SUCLG2: variants seen among roughly 807,000 people sequenced by gnomAD.
SUCLG2 encodes the protein succinate--CoA ligase [GDP-forming] subunit beta, mitochondrial.
Under a neutral mutation model 47.9 loss-of-function variants are expected in SUCLG2, and 42 were observed. The ratio of observed to expected loss-of-function variants is 0.88; its 90% CI spans 0.69 to 1.14. The LOEUF is 1.14. Among genes scored for constraint, SUCLG2 ranks in the 50% most tolerant of loss-of-function variants. SUCLG2 has a pLI of 0.00. For synonymous variants in SUCLG2, 195 were observed against 197.3 expected (o/e 0.99, Z 0.10); for missense variants, 571 against 525.9 (o/e 1.09, Z -0.84).
intron 9 of SUCLG2, among the ~76,000 whole-genome samples, chr3:67,415,473 G>A (rs1393549181): frequency 1.3e-5 from 2 of 152,132 alleles, no homozygotes; most frequent in African/African-American, 2.4e-5. Flanking sequence ...GAAGGTAACT[G>A]CTTTCCATAT....
At position 67,609,583 on chromosome 3, in the gene SUCLG2, G is replaced by A; in HGVS notation, c.98C>T (p.Thr33Ile). The change falls in exon 2 of 11, where the codon ACC (threonine) becomes ATC (isoleucine). Residue 33 changes from threonine (T) to isoleucine (I), a missense_variant. By Grantham distance (89) the Thr-to-Ile change is moderately conservative. Coordinates refer to ENST00000307227, the MANE Select transcript of SUCLG2 (RefSeq NM_003848.4). ...CTGCAGGTTCAGCCATCTTCTGGAG[G>A]TTAATTGAACTGCCTACAGAAATTG... is the stretch of plus-strand genomic sequence containing the variant. ...LAAGSQAVQL[T>I]SRRWLNLQEY... The A allele has an allele frequency of 1.2e-6, 2 of 1,613,462 alleles. No homozygotes were observed. The highest frequency in any genetic ancestry group is 1.7e-6 in the Non-Finnish European group (2 of 1,179,798).
At chr3:67,511,544 C>T (rs1481827975) in intron 6 of SUCLG2, among the ~76,000 whole-genome samples, 1 of 152,154 alleles carries the variant, frequency 6.6e-6, no homozygotes, top group Non-Finnish European at 1.5e-5. Flanking sequence ...TAAGAAGTCC[C>T]TTCACTCTTC....
rs775954354 is a variant in SUCLG2 at position 67,508,886 on chromosome 3, C to T, written c.678G>A (p.Thr226=). 1.6e-4 allele frequency: 250 copies of T among 1,609,410 alleles called. No individual in the cohort carries two copies. The highest frequency in any genetic ancestry group is 1.8e-4 in the Non-Finnish European group (216 of 1,178,382). ...TTTTCAGGAAGAGATTATACAGCTT[C>T]GTAATTTGATCTGCAGCCTAAATGT... ...PLKSQAADQI[T]KLYNLFLKID... Residue 226 remains threonine, a synonymous_variant, in exon 7 of 11, where the codon ACG becomes ACA. Transcript: ENST00000307227.
chr3:67,404,361 T>G (rs1304639776), intron 9 of SUCLG2, among the ~76,000 whole-genome samples: 2 of 142,336 alleles, frequency 1.4e-5, no homozygotes, highest in African/African-American at 5.3e-5. Context: ...AGAGAATGAG[T>G]GAACAAGAAG....
At chr3:67,396,191 T>TA (rs1702523937) in intron 10 of SUCLG2, among the ~76,000 whole-genome samples, 1 of 151,540 alleles carries the variant, frequency 6.6e-6, no homozygotes, top group Non-Finnish European at 1.5e-5. Context: ...CTGAAGGAAA[T>TA]AGAGACACAA....
intron 9 of SUCLG2, among the ~76,000 whole-genome samples, chr3:67,456,142 G>C (rs1373252730): frequency 6.6e-6 from 1 of 152,158 alleles, no homozygotes; most frequent in Non-Finnish European, 1.5e-5. Flanking sequence ...GGAATCATGT[G>C]ATTGCTGTCT....
At chr3:67,432,883 C>T (rs1347787473) in intron 9 of SUCLG2, among the ~76,000 whole-genome samples, 1 of 152,220 alleles carries the variant, frequency 6.6e-6, no homozygotes, top group Non-Finnish European at 1.5e-5. Flanking sequence ...GAAGGTCCTT[C>T]CGTAACACCA....
At chr3:67,427,912 G>A (rs966109349) in intron 9 of SUCLG2, among the ~76,000 whole-genome samples, 1 of 152,202 alleles carries the variant, frequency 6.6e-6, no homozygotes, top group Non-Finnish European at 1.5e-5. Context: ...AGCAAGGCTG[G>A]GGGAGGGGCG....
chr3:67,408,838 T>C, intron 9 of SUCLG2: 2 of 1,421,988 alleles, frequency 1.4e-6, no homozygotes, highest in Non-Finnish European at 1.8e-6. Flanking sequence ...GGCAATGGTG[T>C]CAAGATTTAA....
intron 2 of SUCLG2, among the ~76,000 whole-genome samples, chr3:67,559,512 C>A (rs1457642336): frequency 6.6e-6 from 1 of 152,102 alleles, no homozygotes; most frequent in Non-Finnish European, 1.5e-5. Context: ...ATCATGAGAA[C>A]AGCATAGGGG....
chr3:67,446,712 G>A (rs922191119), intron 9 of SUCLG2, among the ~76,000 whole-genome samples: 7 of 151,818 alleles, frequency 4.6e-5, no homozygotes, highest in South Asian at 4.2e-4. Context: ...GATTACAGGC[G>A]TAAGCTATTG....
intron 2 of SUCLG2, among the ~76,000 whole-genome samples, chr3:67,574,807 A>C (rs569829708): frequency 2.0e-5 from 3 of 152,356 alleles, no homozygotes; most frequent in Admixed American, 6.5e-5. Context: ...TGCAAAATAC[A>C]TATCTAATAA....
chr3:67,435,742 T>C (rs1214009352), intron 9 of SUCLG2, among the ~76,000 whole-genome samples: 1 of 152,222 alleles, frequency 6.6e-6, no homozygotes, highest in Non-Finnish European at 1.5e-5. Flanking sequence ...TGTTTTGCTT[T>C]AATCAAGTAC....
chr3:67,462,855 CA>C (rs1238350715), intron 9 of SUCLG2, among the ~76,000 whole-genome samples: 2 of 152,122 alleles, frequency 1.3e-5, no homozygotes, highest in Non-Finnish European at 2.9e-5. Flanking sequence ...AGATTATCTC[CA>C]GGTGGAGTGT....
chr3:67,407,589 T>G (rs1223069624), intron 9 of SUCLG2, among the ~76,000 whole-genome samples: 1 of 152,188 alleles, frequency 6.6e-6, no homozygotes, highest in African/African-American at 2.4e-5. Context: ...TTATTGCAAA[T>G]AGTTAAGTAC....
At chr3:67,376,570 T>G in intron 10 of SUCLG2, 6 of 907,284 alleles carry the variant, frequency 6.6e-6, no homozygotes, top group Non-Finnish European at 7.9e-6. Flanking sequence ...TCATTTCCTG[T>G]GCTTTTATCT....
chr3:67,552,979 C>T (rs991744537), intron 2 of SUCLG2, among the ~76,000 whole-genome samples: 7 of 152,180 alleles, frequency 4.6e-5, no homozygotes, highest in Non-Finnish European at 1.0e-4. Context: ...TTCTAATCCA[C>T]CCACTAATCA....
intron 10 of SUCLG2, among the ~76,000 whole-genome samples, chr3:67,385,464 C>T (rs1326631267): frequency 1.3e-5 from 2 of 152,226 alleles, no homozygotes; most frequent in Non-Finnish European, 2.9e-5. Flanking sequence ...ATCACTGGCT[C>T]CATCCGGGAG....
At chr3:67,563,334 G>A (rs1211283205) in intron 2 of SUCLG2, among the ~76,000 whole-genome samples, 5 of 152,108 alleles carry the variant, frequency 3.3e-5, no homozygotes, top group African/African-American at 9.7e-5. Flanking sequence ...AACAAGGCCC[G>A]TCATGTGTAA....
Sources: gnomAD v4.1 joint callset for allele counts (sites outside exome capture counted in the v4.1 genomes callset) on GRCh38, gnomAD v4.1.1 for gene constraint, MANE v1.5 for transcripts, NCBI Gene and HGNC (gene_info 2026-07-23, HGNC 2026-07-21) for gene names.